GNPAT: variants seen among roughly 807,000 people sequenced by gnomAD.
GNPAT encodes the protein dihydroxyacetone phosphate acyltransferase.
A neutral mutation model predicts 78.4 loss-of-function variants in GNPAT; 30 were observed. The observed-to-expected ratio is 0.38, with a 90% CI of 0.29 to 0.52. GNPAT has a LOEUF of 0.52. GNPAT is among the 20% of genes least tolerant of loss of function. The pLI is 0.84. For missense variants in GNPAT, 714 were observed against 812.2 expected, an observed-to-expected ratio of 0.88 and a Z score of 1.47; for synonymous variants, 271 against 281.1, an observed-to-expected ratio of 0.96 and a Z score of 0.36.
intron 3 of GNPAT, among the ~76,000 whole-genome samples, chr1:231,262,423 A>G (rs547191391): frequency 1.3e-5 from 2 of 152,372 alleles, no homozygotes; most frequent in African/African-American, 4.8e-5. Flanking sequence ...CACGTAAGAT[A>G]ACTGTATATA....
chr1:231,242,002 T>C (rs1397407811), intron 1 of GNPAT, among the ~76,000 whole-genome samples: 1 of 152,260 alleles, frequency 6.6e-6, no homozygotes, highest in East Asian at 1.9e-4. Context: ...CCAGTCATTA[T>C]TGTACCTTTT....
At chr1:231,276,268 C>T in intron 15 of GNPAT, 72 bp downstream of exon 15, 1 of 757,990 alleles carries the variant, frequency 1.3e-6, no homozygotes, top group South Asian at 1.5e-5. Flanking sequence ...TATACTGTGG[C>T]ACCAAATACT....
At position 231,241,295 on chromosome 1, in the gene GNPAT, C is replaced by G. The variant is rs112452735; in HGVS notation, c.-84C>G. 9 of 1,421,858 alleles carry G rather than the reference C, an allele frequency of 6.3e-6. No homozygotes were observed. In the African/African-American group the frequency reaches 1.3e-4, roughly 20 times the overall value. 88.1% of individuals were successfully genotyped at this position (1,421,858 alleles called of 1,614,324 possible). On this transcript the variant is annotated 5_prime_UTR_variant, in exon 1 of 16. Transcript: ENST00000366647. The stretch of plus-strand genomic sequence containing the variant: ...CCGCCCTAGGCGAAGTAGGGCCGTC[C>G]TGAGCGAAAGAACCGCCCCCAGCAG...
intron 14 of GNPAT, 141 bp from the exon 15 acceptor site, chr1:231,275,994 T>C (rs1685703280): frequency 1.6e-6 from 1 of 617,042 alleles, no homozygotes; most frequent in East Asian, 2.8e-5. Flanking sequence ...GACAGGAGCC[T>C]GAGGCCTTTC....
intron 1 of GNPAT, among the ~76,000 whole-genome samples, chr1:231,243,306 T>C (rs1015473408): frequency 9.2e-5 from 14 of 152,172 alleles, no homozygotes; most frequent in African/African-American, 3.4e-4. Flanking sequence ...TAAGCTGATC[T>C]TCCTTTTTTG....
intron 8 of GNPAT, among the ~76,000 whole-genome samples, chr1:231,267,223 A>T (rs1204589917): frequency 6.6e-6 from 1 of 152,140 alleles, no homozygotes; most frequent in African/African-American, 2.4e-5. Flanking sequence ...GTACTATTCA[A>T]AGTTTGGTAA....
chr1:231,255,112 A>G (rs981438002), intron 2 of GNPAT, among the ~76,000 whole-genome samples: 1 of 152,020 alleles, frequency 6.6e-6, no homozygotes, highest in Non-Finnish European at 1.5e-5. Context: ...AAATCTACCA[A>G]TTTACCTGCA....
rs781771063 is a variant in GNPAT, at chr1:231,241,329, C to G, written c.-50C>G. ...AGAACCGCCCCCAGCAGGAGCACCA[C>G]CACGGCTTAGCAAAGAATCCCAGAC... On this transcript the variant is annotated 5_prime_UTR_variant, in exon 1 of 16. Transcript: ENST00000366647. 2 of 1,516,330 alleles carry G rather than the reference C, an allele frequency of 1.3e-6. No individual in the cohort carries two copies. Among genetic ancestry groups the G allele is most frequent in the East Asian group, 4.5e-5 (2 of 44,360 alleles). 93.9% of individuals were successfully genotyped at this position (1,516,330 alleles called of 1,614,324 possible).
Position 231,265,388 on chromosome 1 carries a change from G to T in GNPAT, c.664G>T (p.Val222Leu). 6.2e-7 allele frequency: 1 copy of T among 1,608,618 alleles called. No individual in the cohort carries two copies. The highest frequency in any genetic ancestry group is 8.5e-7 in the Non-Finnish European group (1 of 1,175,046). ...TFGGNKLYWA[V>L]FSEYVKTMLR... is the part of the protein sequence containing the mutation. ...TGGTGGCAATAAACTCTACTGGGCT[G>T]TATTCTCTGAATATGTAAAAACTAT... The change falls in exon 5 of 16, where the codon GTA (valine) becomes TTA (leucine). Residue 222 changes from valine (V) to leucine (L), a missense_variant. Transcript: ENST00000366647.
chr1:231,259,599 A>G (rs1263373082), intron 2 of GNPAT, among the ~76,000 whole-genome samples: 1 of 147,150 alleles, frequency 6.8e-6, no homozygotes, highest in Non-Finnish European at 1.5e-5. Flanking sequence ...GTGAGCCGAG[A>G]TTGCACCATT....
At chr1:231,262,962 T>C in intron 4 of GNPAT, 110 bp downstream of exon 4, 1 of 813,698 alleles carries the variant, frequency 1.2e-6, no homozygotes, top group Non-Finnish European at 2.1e-6. Context: ...CTCTCCTCCT[T>C]TCTTCCAGTC....
At chr1:231,269,491 A>T (rs1685491414) in intron 9 of GNPAT, among the ~76,000 whole-genome samples, 1 of 152,188 alleles carries the variant, frequency 6.6e-6, no homozygotes, top group South Asian at 2.1e-4. Flanking sequence ...GATGCCTGAG[A>T]TGCCTGAGCC....
At chr1:231,247,525 A>G (rs1468108991) in intron 1 of GNPAT, among the ~76,000 whole-genome samples, 1 of 152,214 alleles carries the variant, frequency 6.6e-6, no homozygotes, top group African/African-American at 2.4e-5. Flanking sequence ...AGAATATGGG[A>G]CACAGAAGAG....
intron 1 of GNPAT, among the ~76,000 whole-genome samples, chr1:231,248,034 G>C (rs986467915): frequency 6.6e-6 from 1 of 152,054 alleles, no homozygotes; most frequent in African/African-American, 2.4e-5. Context: ...AGACTCCCTC[G>C]CTCCCATACA....
chr1:231,262,299 A>G (rs1685242185), intron 3 of GNPAT, among the ~76,000 whole-genome samples: 1 of 152,224 alleles, frequency 6.6e-6, no homozygotes, highest in African/African-American at 2.4e-5. Context: ...TGGCTTTTTA[A>G]GTCAGACTGA....
At chr1:231,255,543 C>A (rs1685029648) in intron 2 of GNPAT, among the ~76,000 whole-genome samples, 1 of 152,200 alleles carries the variant, frequency 6.6e-6, no homozygotes, top group African/African-American at 2.4e-5. Flanking sequence ...CCTGCCCCAG[C>A]CTCCTAAGTA....
chr1:231,275,833 A>T (rs912763318), intron 14 of GNPAT, among the ~76,000 whole-genome samples: 2 of 152,220 alleles, frequency 1.3e-5, no homozygotes, highest in African/African-American at 4.8e-5. Context: ...CATAATACAT[A>T]TATAGATACA....
Position 231,266,089 on chromosome 1 carries a change from G to C in GNPAT, c.848G>C (p.Ser283Thr). The C allele has an allele frequency of 1.2e-6, 2 of 1,611,082 alleles. No individual in the cohort carries two copies. The highest frequency in any genetic ancestry group is 1.7e-6 in the Non-Finnish European group (2 of 1,177,390). Residue 283 changes from serine to threonine, a missense_variant, in exon 7 of 16, where the codon AGT (serine) becomes ACT (threonine). By Grantham distance (58) the Ser-to-Thr change is moderately conservative. Coordinates refer to ENST00000366647, the MANE Select transcript of GNPAT (RefSeq NM_014236.4). ...FDTYLVPISISYDKILEETLY... is the reference protein window; with the variant it reads ...FDTYLVPISITYDKILEETLY... Reference sequence around the variant, plus strand: ...ACCTACCTTGTCCCAATTAGTATCAGTTATGATAAGATCTTGGAAGAAACT... The same window carrying C: ...ACCTACCTTGTCCCAATTAGTATCACTTATGATAAGATCTTGGAAGAAACT...
intron 10 of GNPAT, among the ~76,000 whole-genome samples, chr1:231,271,530 A>G (rs985401574): frequency 1.3e-5 from 2 of 152,224 alleles, no homozygotes; most frequent in Non-Finnish European, 2.9e-5. Flanking sequence ...GCCCCACCCC[A>G]AAGTTTCTTC....
Sources: gnomAD v4.1 joint callset for allele counts (sites outside exome capture counted in the v4.1 genomes callset) on GRCh38, gnomAD v4.1.1 for gene constraint, MANE v1.5 for transcripts, NCBI Gene and HGNC (gene_info 2026-07-23, HGNC 2026-07-21) for gene names.